Variants in RBFOX1 observed in about 807,000 individuals in gnomAD.
RBFOX1 encodes the protein RNA binding fox-1 homolog 1.
A neutral mutation model predicts 57.7 loss-of-function variants in RBFOX1; 8 were observed. The ratio of observed to expected loss-of-function variants is 0.14; its 90% CI spans 0.08 to 0.25. The LOEUF (loss-of-function observed/expected upper bound fraction) is 0.25, where lower values mean the gene tolerates loss of function less well. Among genes scored for constraint, RBFOX1 ranks in the 10% least tolerant of loss-of-function variants. The pLI, the probability that RBFOX1 is intolerant of heterozygous loss-of-function variation, is 1.00. For missense variants in RBFOX1, 611 were observed against 548.5 expected (o/e 1.11, Z -1.14); for synonymous variants, 326 against 222.4 (o/e 1.47, Z -4.15).
rs559785672 is a variant in RBFOX1, at chr16:6,365,181, C to A, written c.-64+48124C>A. Among the ~76,000 whole-genome samples the A allele has an allele frequency of 3.9e-5, 6 of 152,242 alleles. No individual in the cohort carries two copies. The South Asian group carries it at 1.2e-3, about 32-fold the overall frequency. On this transcript the variant is annotated intron_variant, in intron 2 of 15. Transcript: ENST00000550418. ...GCAGCTATAAATCTGTCTGGTAGGG[C>A]CCTCTCTTCTTAAAATAGATGGATG...
chr16:6,708,005 G>T (rs2154148273), intron 3 of RBFOX1, among the ~76,000 whole-genome samples: 1 of 152,168 alleles, frequency 6.6e-6, no homozygotes, highest in East Asian at 1.9e-4. Flanking sequence ...TGCTGTGGAG[G>T]GTTTCAAAAC....
intron 4 of RBFOX1, among the ~76,000 whole-genome samples, chr16:7,226,433 A>G (rs1202365187): frequency 6.6e-6 from 1 of 152,188 alleles, no homozygotes; most frequent in Non-Finnish European, 1.5e-5. Context: ...AGAGTTGGGT[A>G]GAAAGAGGTG....
At chr16:6,472,276 G>T (rs138640697) in intron 2 of RBFOX1, among the ~76,000 whole-genome samples, 1 of 152,302 alleles carries the variant, frequency 6.6e-6, no homozygotes, top group Non-Finnish European at 1.5e-5. Flanking sequence ...AAGAAACCCT[G>T]CAGCGTTAGG....
At chr16:5,293,512 C>G (rs563330003) in intron 1 of RBFOX1, among the ~76,000 whole-genome samples, 1 of 152,274 alleles carries the variant, frequency 6.6e-6, no homozygotes, top group East Asian at 1.9e-4. Flanking sequence ...GAGACAATAC[C>G]AAGGCTCTCT....
Position 5,921,277 on chromosome 16 carries a change from G to A in RBFOX1, c.351+53942G>A, listed in dbSNP as rs184104358. 2.5e-3 allele frequency among the ~76,000 whole-genome samples: 382 copies of A among 152,174 alleles called. 2 individuals are homozygous for A. The highest frequency in any genetic ancestry group is 3.9e-3 in the Non-Finnish European group (268 of 68,004). ...TGTGACCAGGATCTTTCCCTCTTTC[G>A]CCTCCCTTCTCCAGAGATTGTCTTT... On this transcript the variant is annotated intron_variant, in intron 4 of 19. Coordinates refer to the RBFOX1 transcript ENST00000641259.
At chr16:5,362,348 G>T (rs113595560) in intron 1 of RBFOX1, among the ~76,000 whole-genome samples, 1 of 151,908 alleles carries the variant, frequency 6.6e-6, no homozygotes, top group South Asian at 2.1e-4. Context: ...ACGCCACCAC[G>T]CCCAGATGGT....
At chr16:5,704,371 G>C (rs902029354) in intron 3 of RBFOX1, among the ~76,000 whole-genome samples, 1 of 152,184 alleles carries the variant, frequency 6.6e-6, no homozygotes, top group Admixed American at 6.5e-5. Flanking sequence ...GTAGCACACA[G>C]AGGGGCCCTG....
intron 2 of RBFOX1, among the ~76,000 whole-genome samples, chr16:5,532,292 C>G (rs187549910): frequency 6.6e-6 from 1 of 152,212 alleles, no homozygotes; most frequent in Non-Finnish European, 1.5e-5. Flanking sequence ...CTTTGCCAAA[C>G]ATTTCTGGGG....
chr16:7,507,047 T>A (rs1222962840), intron 4 of RBFOX1, among the ~76,000 whole-genome samples: 1 of 152,190 alleles, frequency 6.6e-6, no homozygotes, highest in East Asian at 1.9e-4. Context: ...ATATTACTAT[T>A]TATATTTTAT....
intron 1 of RBFOX1, among the ~76,000 whole-genome samples, chr16:6,110,164 T>A (rs1365199199): frequency 6.6e-6 from 1 of 151,364 alleles, no homozygotes; most frequent in African/African-American, 2.4e-5. Flanking sequence ...GGTTTTTCAC[T>A]CTAATTTTTG....
intron 4 of RBFOX1, among the ~76,000 whole-genome samples, chr16:5,896,460 T>C (rs2058165902): frequency 6.6e-6 from 1 of 152,172 alleles, no homozygotes; most frequent in African/African-American, 2.4e-5. Flanking sequence ...TTGCTTCCTC[T>C]CTTGCCATGG....
At chr16:7,571,365 C>G (rs1169806516) in intron 5 of RBFOX1, among the ~76,000 whole-genome samples, 1 of 152,182 alleles carries the variant, frequency 6.6e-6, no homozygotes, top group Non-Finnish European at 1.5e-5. Flanking sequence ...CTCTACACGA[C>G]TATGCATTTT....
chr16:6,953,652 G>A (rs535759523), intron 3 of RBFOX1, among the ~76,000 whole-genome samples: 86 of 152,232 alleles, frequency 5.6e-4, no homozygotes, highest in Admixed American at 2.2e-3. Flanking sequence ...CTCCCAAAGC[G>A]CTGGGATTAT....
At position 5,800,257 on chromosome 16, in the gene RBFOX1, G is replaced by T. The variant is rs2055015044; in HGVS notation, c.319-67046G>T. On this transcript the variant is annotated intron_variant, in intron 3 of 19. Coordinates refer to the RBFOX1 transcript ENST00000641259. ...GGCATGTCCAGTCCAATGGTGTGTA[G>T]CCTAATTTTGGATTAGCAGAGGAGA... Among the ~76,000 whole-genome samples the T allele has an allele frequency of 1.3e-5, 2 of 152,148 alleles. 1 individual carries two copies. Among genetic ancestry groups the T allele is most frequent in the South Asian group, 4.1e-4 (2 of 4,824 alleles).
intron 4 of RBFOX1, among the ~76,000 whole-genome samples, chr16:5,956,663 TATATATATATATA>T (rs1567189773): frequency 5.7e-4 from 27 of 47,774 alleles, no homozygotes; most frequent in African/African-American, 2.7e-3. Flanking sequence ...TATATTTATA[TATATATATATATA>T]TATTTTTTTT....
intron 4 of RBFOX1, among the ~76,000 whole-genome samples, chr16:7,303,955 T>A (rs965799886): frequency 6.6e-6 from 1 of 151,830 alleles, no homozygotes; most frequent in Non-Finnish European, 1.5e-5. Flanking sequence ...GGTTCTCGTG[T>A]CACCTTCACA....
intron 4 of RBFOX1, among the ~76,000 whole-genome samples, chr16:7,342,784 A>G (rs537526610): frequency 6.6e-6 from 1 of 152,210 alleles, no homozygotes; most frequent in African/African-American, 2.4e-5. Context: ...CATGGCTGGT[A>G]TAAAAGCCAC....
chr16:7,351,465 A>G (rs529977919), intron 4 of RBFOX1, among the ~76,000 whole-genome samples: 5 of 152,364 alleles, frequency 3.3e-5, no homozygotes, highest in Admixed American at 1.3e-4. Context: ...TTGTAGGGGA[A>G]GGAGACAAAA....
chr16:7,486,784 A>G (rs892811020), intron 4 of RBFOX1, among the ~76,000 whole-genome samples: 6 of 152,308 alleles, frequency 3.9e-5, no homozygotes, highest in African/African-American at 1.4e-4. Context: ...GAGACAAGCT[A>G]TGCAATAGTC....
Sources: allele counts gnomAD v4.1 joint callset (sites outside exome capture counted in the v4.1 genomes callset), GRCh38; gene constraint gnomAD v4.1.1; transcripts MANE v1.5; gene names NCBI Gene and HGNC (gene_info 2026-07-23, HGNC 2026-07-21).